The following KDM4C variants were observed in gnomAD, a reference collection of about 807,000 sequenced individuals.
KDM4C encodes lysine-specific demethylase 4C.
In KDM4C, 81 loss-of-function variants were observed where a neutral mutation model predicts 129.3. That is an observed-to-expected ratio of 0.63 (90% CI 0.52 to 0.75). The LOEUF is 0.75. Among genes scored for constraint, KDM4C ranks in the 30% least tolerant of loss-of-function variants. KDM4C has a pLI of 0.00. For synonymous variants in KDM4C, 573 were observed against 456.1 expected (o/e 1.26, Z -3.26); for missense variants, 1,457 against 1,304.0 (o/e 1.12, Z -1.81).
chr9:7,108,720 G>A (rs1357354789), intron 18 of KDM4C, among the ~76,000 whole-genome samples: 2 of 152,098 alleles, frequency 1.3e-5, no homozygotes, highest in African/African-American at 2.4e-5. Context: ...CTAATCTTGG[G>A]GTGATGATGG....
At chr9:6,866,091 A>G (rs532794825) in intron 5 of KDM4C, among the ~76,000 whole-genome samples, 69 of 150,410 alleles carry the variant, frequency 4.6e-4, no homozygotes, top group African/African-American at 1.6e-3. Flanking sequence ...CACCATGTTG[A>G]ACAGGCTGGT....
intron 4 of KDM4C, among the ~76,000 whole-genome samples, chr9:6,844,502 T>C (rs1837509475): frequency 6.6e-6 from 1 of 152,218 alleles, no homozygotes; most frequent in Non-Finnish European, 1.5e-5. Flanking sequence ...AGCACTGTTT[T>C]ACATGATGTA....
intron 1 of KDM4C, among the ~76,000 whole-genome samples, chr9:6,763,306 T>C (rs1819948811): frequency 2.0e-5 from 3 of 151,408 alleles, no homozygotes; most frequent in African/African-American, 7.4e-5. Context: ...TGTTGTTCCC[T>C]GTGCCTGGAC....
chr9:6,906,697 C>T (rs1024908727), intron 8 of KDM4C, among the ~76,000 whole-genome samples: 2 of 152,210 alleles, frequency 1.3e-5, no homozygotes, highest in Admixed American at 1.3e-4. Flanking sequence ...TCGTTTCAGC[C>T]TCCCCAAGTG....
Position 6,928,679 on chromosome 9 carries a change from C to T in KDM4C, c.921+35447C>T, listed in dbSNP as rs143701726. Among the ~76,000 whole-genome samples the T allele has an allele frequency of 1.3e-3, 196 of 151,948 alleles. 1 individual carries two copies. Among genetic ancestry groups the T allele is most frequent in the Middle Eastern group, 0.01 (3 of 294 alleles). On this transcript the variant is annotated intron_variant, in intron 8 of 21. Coordinates refer to ENST00000381309, the MANE Select transcript of KDM4C (RefSeq NM_015061.6). ...GTCTTTGCTTTGTTATTGTCGTGCC[C>T]GTTATTTTTTATCGCCTATGATTAG...
At chr9:7,006,299 G>T (rs2132084845) in intron 12 of KDM4C, among the ~76,000 whole-genome samples, 1 of 152,244 alleles carries the variant, frequency 6.6e-6, no homozygotes, top group African/African-American at 2.4e-5. Flanking sequence ...AATTAATGGG[G>T]CCTCCCCTTC....
chr9:6,842,633 G>C (rs1039322738), intron 4 of KDM4C, among the ~76,000 whole-genome samples: 13 of 151,966 alleles, frequency 8.6e-5, no homozygotes, highest in Non-Finnish European at 1.3e-4. Flanking sequence ...ACTGCACCAG[G>C]ACTGATCCAC....
intron 8 of KDM4C, among the ~76,000 whole-genome samples, chr9:6,905,514 G>T (rs970701548): frequency 1.1e-4 from 17 of 152,152 alleles, no homozygotes; most frequent in African/African-American, 3.9e-4. Flanking sequence ...TATCAGAGAG[G>T]TTCTTCTGAA....
intron 17 of KDM4C, among the ~76,000 whole-genome samples, chr9:7,071,692 G>A (rs1833215724): frequency 6.6e-6 from 1 of 151,982 alleles, no homozygotes; most frequent in South Asian, 2.1e-4. Context: ...TGTGATCATG[G>A]GTTTTACGTC....
intron 15 of KDM4C, among the ~76,000 whole-genome samples, chr9:7,028,482 C>T (rs1370707370): frequency 6.6e-6 from 1 of 151,580 alleles, no homozygotes; most frequent in Non-Finnish European, 1.5e-5. Context: ...GTCCTTTTTA[C>T]TCTCTCTTCT....
At chr9:6,740,174 G>A (rs557268562) in intron 1 of KDM4C, among the ~76,000 whole-genome samples, 77 of 151,870 alleles carry the variant, frequency 5.1e-4, no homozygotes, top group African/African-American at 1.9e-3. Context: ...ACAGGTGTGC[G>A]ACACCACACC....
At chr9:7,069,306 C>T (rs549657309) in intron 17 of KDM4C, among the ~76,000 whole-genome samples, 7 of 152,226 alleles carry the variant, frequency 4.6e-5, no homozygotes, top group East Asian at 3.9e-4. Flanking sequence ...ACTTTTATCA[C>T]GTGGAACACA....
intron 5 of KDM4C, among the ~76,000 whole-genome samples, chr9:6,856,539 CGTGTGTGTGT>C (rs201267627): frequency 1.4e-3 from 187 of 131,592 alleles, no homozygotes; most frequent in African/African-American, 4.5e-3. Flanking sequence ...TCTCTGTGTG[CGTGTGTGTGT>C]GTGTGTGTGT....
In KDM4C at chr9:6,785,641, C is replaced by G. The variant is rs549476610; in HGVS notation, c.-17-7331C>G. 2.8e-3 allele frequency among the ~76,000 whole-genome samples: 419 copies of G among 152,310 alleles called. 5 individuals carry two copies. The highest frequency in any genetic ancestry group is 9.8e-3 in the African/African-American group (408 of 41,572). On this transcript the variant is annotated intron_variant, in intron 1 of 21. Coordinates refer to ENST00000381309, the MANE Select transcript of KDM4C (RefSeq NM_015061.6). ...CATGAGCCACTGCGCCTGGCTTCTT[C>G]TCTTCCTAAAAGGACACCAGTCATA... is the stretch of plus-strand genomic sequence containing the variant.
chr9:6,743,160 A>G (rs1418981838), intron 1 of KDM4C, among the ~76,000 whole-genome samples: 1 of 152,236 alleles, frequency 6.6e-6, no homozygotes, highest in African/African-American at 2.4e-5. Flanking sequence ...GAAACAGACT[A>G]AACAATACAG....
Position 7,174,746 on chromosome 9 carries a change from C to A in KDM4C, c.*17C>A. ...AGACAGTAGTCTGCATACATCGCTG[C>A]AGGCCACAGAGCAGCTTGGGTTGGA... On this transcript the variant is annotated 3_prime_UTR_variant, in exon 22 of 22. Coordinates refer to ENST00000381309, the MANE Select transcript of KDM4C (RefSeq NM_015061.6). 1 of 1,609,542 alleles carries A rather than the reference C, an allele frequency of 6.2e-7. No homozygotes were observed. The highest frequency in any genetic ancestry group is 8.5e-7 in the Non-Finnish European group (1 of 1,176,394).
chr9:6,743,034 T>G (rs1318251768), intron 1 of KDM4C, among the ~76,000 whole-genome samples: 1 of 151,864 alleles, frequency 6.6e-6, no homozygotes, highest in Non-Finnish European at 1.5e-5. Context: ...AAATCCTAGG[T>G]CTAGGTCTAA....
In KDM4C at chr9:7,095,174, C is replaced by T. The variant is rs148265389; in HGVS notation, c.2425-8511C>T. On this transcript the variant is annotated intron_variant, in intron 17 of 21. Transcript: ENST00000381309. ...GGACACAATTTCTTCATTGCACATCCGTGAATCAGAGATACCTTTACTGTT... is the reference window on the plus strand; with the variant it reads ...GGACACAATTTCTTCATTGCACATCTGTGAATCAGAGATACCTTTACTGTT... Among the ~76,000 whole-genome samples the T allele has an allele frequency of 2.7e-3, 404 of 152,270 alleles. 1 individual carries two copies. The highest frequency in any genetic ancestry group is 3.6e-3 in the Non-Finnish European group (248 of 68,006).
chr9:7,082,965 C>T (rs1056077156), intron 17 of KDM4C, among the ~76,000 whole-genome samples: 6 of 152,270 alleles, frequency 3.9e-5, no homozygotes, highest in African/African-American at 1.4e-4. Flanking sequence ...ATAGTTCAGC[C>T]TCCAGCAGGG....
Sources: allele counts gnomAD v4.1 joint callset (sites outside exome capture counted in the v4.1 genomes callset), GRCh38; gene constraint gnomAD v4.1.1; transcripts MANE v1.5; gene names NCBI Gene and HGNC (gene_info 2026-07-23, HGNC 2026-07-21).